Variants in ZNRF3 observed in about 807,000 individuals in gnomAD.
ZNRF3 encodes zinc and ring finger 3.
Under a neutral mutation model 72.5 loss-of-function variants are expected in ZNRF3, and 23 were observed. The ratio of observed to expected loss-of-function variants is 0.32; its 90% confidence interval spans 0.23 to 0.45. The LOEUF (loss-of-function observed/expected upper bound fraction) is 0.45. Among genes scored for constraint, ZNRF3 ranks in the 20% least tolerant of loss-of-function variants. ZNRF3 has a pLI of 1.00. For missense variants in ZNRF3, 1,169 were observed against 1,272.1 expected, an observed-to-expected ratio of 0.92 and a Z score of 1.23; for synonymous variants, 610 against 545.3, an observed-to-expected ratio of 1.12 and a Z score of -1.65.
chr22:28,896,713 G>T (rs541588953), intron 1 of ZNRF3, among the ~76,000 whole-genome samples: 3 of 152,342 alleles, frequency 2.0e-5, no homozygotes, highest in Admixed American at 1.3e-4. Context: ...CTTGGAGTAG[G>T]TGGTGAGCAG....
At chr22:29,006,386 T>C (rs1485088541) in intron 2 of ZNRF3, among the ~76,000 whole-genome samples, 1 of 152,122 alleles carries the variant, frequency 6.6e-6, no homozygotes, top group African/African-American at 2.4e-5. Flanking sequence ...GCTACTTTTG[T>C]ATTTTTAGTA....
At chr22:28,989,559 C>A (rs911180441) in intron 2 of ZNRF3, among the ~76,000 whole-genome samples, 3 of 152,206 alleles carry the variant, frequency 2.0e-5, no homozygotes, top group Admixed American at 6.5e-5. Flanking sequence ...GATTTTCCAT[C>A]CATTTCTTGG....
chr22:28,922,915 G>T (rs182087517), intron 1 of ZNRF3, among the ~76,000 whole-genome samples: 50 of 152,256 alleles, frequency 3.3e-4, no homozygotes, highest in African/African-American at 1.1e-3. Flanking sequence ...GGGCCAGCAT[G>T]AATAGTGCTC....
chr22:29,001,157 C>T (rs902943453), intron 2 of ZNRF3, among the ~76,000 whole-genome samples: 4 of 149,330 alleles, frequency 2.7e-5, no homozygotes, highest in Non-Finnish European at 5.9e-5. Context: ...CAAGCTCCGC[C>T]TCCTGGGTTC....
At chr22:28,911,432 G>A (rs180934993) in intron 1 of ZNRF3, among the ~76,000 whole-genome samples, 4 of 152,286 alleles carry the variant, frequency 2.6e-5, no homozygotes, top group South Asian at 2.1e-4. Context: ...CACAGCAGTC[G>A]GCAGGCTTAT....
chr22:29,043,899 A>G (rs1186567123), intron 4 of ZNRF3, among the ~76,000 whole-genome samples: 1 of 152,220 alleles, frequency 6.6e-6, no homozygotes, highest in Non-Finnish European at 1.5e-5. Context: ...AGTCTGGAAA[A>G]GTTAGCTTTC....
intron 1 of ZNRF3, among the ~76,000 whole-genome samples, chr22:28,980,738 T>C (rs776628053): frequency 6.6e-6 from 1 of 152,232 alleles, no homozygotes; most frequent in Non-Finnish European, 1.5e-5. Context: ...GAAGTTCTTC[T>C]GTGAATCTGC....
chr22:29,047,147 C>T (rs1180356610), intron 6 of ZNRF3, among the ~76,000 whole-genome samples: 1 of 152,078 alleles, frequency 6.6e-6, no homozygotes, highest in African/African-American at 2.4e-5. Context: ...GTCCTAGCTA[C>T]TTGGGAGGCT....
rs144160400 is a variant in ZNRF3 at position 28,964,040 on chromosome 22, G to A, written c.301-23036G>A. ...CCTACATTCTAGTGCACCTAGGGGAGTGACTGCCAGGTTGCCGGGGATGAG... is the reference window on the plus strand; with the variant it reads ...CCTACATTCTAGTGCACCTAGGGGAATGACTGCCAGGTTGCCGGGGATGAG... On this transcript the variant is annotated intron_variant, in intron 1 of 8. Transcript: ENST00000544604. Among the ~76,000 whole-genome samples the A allele has an allele frequency of 1.5e-3, 226 of 152,314 alleles. 3 individuals carry two copies. The highest frequency in any genetic ancestry group is 5.1e-3 in the African/African-American group (210 of 41,566).
At chr22:29,001,477 T>C (rs2036145521) in intron 2 of ZNRF3, among the ~76,000 whole-genome samples, 1 of 148,198 alleles carries the variant, frequency 6.7e-6, no homozygotes, top group African/African-American at 2.5e-5. Context: ...TTAAACTTTT[T>C]TTTTTTTTTT....
At chr22:28,927,285 G>T (rs950453504) in intron 1 of ZNRF3, among the ~76,000 whole-genome samples, 9 of 152,054 alleles carry the variant, frequency 5.9e-5, no homozygotes, top group African/African-American at 2.2e-4. Flanking sequence ...ACCGGGCGTG[G>T]TGGCTCACGC....
At chr22:29,003,250 C>T (rs1189101655) in intron 2 of ZNRF3, among the ~76,000 whole-genome samples, 4 of 152,176 alleles carry the variant, frequency 2.6e-5, no homozygotes, top group South Asian at 4.1e-4. Context: ...GGCGCAGTGG[C>T]TCATGTCTGT....
At chr22:28,976,301 G>C (rs1273143335) in intron 1 of ZNRF3, among the ~76,000 whole-genome samples, 1 of 152,102 alleles carries the variant, frequency 6.6e-6, no homozygotes, top group Non-Finnish European at 1.5e-5. Context: ...TGGGTTACTT[G>C]AGTTGGATCC....
Position 29,049,710 on chromosome 22 carries a change from C to T in ZNRF3, c.1529C>T (p.Pro510Leu). 1 of 1,604,570 alleles carries T rather than the reference C, an allele frequency of 6.2e-7. No individual in the cohort carries two copies. Among genetic ancestry groups the T allele is most frequent in the Non-Finnish European group, 8.5e-7 (1 of 1,177,004 alleles). ...PPSGSGSLLF[P>L]TVVHVAPPSH... is the part of the protein sequence containing the mutation. ...AGCGGCAGTGGCAGCCTGCTCTTCC[C>T]CACCGTGGTGCACGTGGCCCCGCCC... is the stretch of plus-strand genomic sequence containing the variant. Residue 510 changes from proline (P) to leucine (L), a missense_variant, in exon 8 of 9, where the codon CCC (proline) becomes CTC (leucine). This residue lies in a region of ZNRF3 where 783 missense variants were observed against 731.4 expected (regional missense o/e 1.07). Coordinates refer to ENST00000544604, the MANE Select transcript of ZNRF3 (RefSeq NM_001206998.2). This position sits in a 1 kb window ranked among gnomAD's most constrained non-coding sequence, Gnocchi z 5.2.
chr22:28,919,232 A>G (rs1343206972), intron 1 of ZNRF3, among the ~76,000 whole-genome samples: 1 of 152,236 alleles, frequency 6.6e-6, no homozygotes, highest in African/African-American at 2.4e-5. Flanking sequence ...AAATGCCTTC[A>G]TATGGATTTC....
In ZNRF3 at chr22:29,048,583, C is replaced by G. The variant is rs1249028794; in HGVS notation, c.1015+92C>G. 1.5e-6 allele frequency: 2 copies of G among 1,293,312 alleles called. No individual in the cohort carries two copies. The highest frequency in any genetic ancestry group is 1.4e-5 in the African/African-American group (1 of 68,970). 80.1% of individuals were successfully genotyped at this position (1,293,312 alleles called of 1,614,324 possible). On this transcript the variant is annotated intron_variant, in intron 7 of 8. Coordinates refer to ENST00000544604, the MANE Select transcript of ZNRF3 (RefSeq NM_001206998.2). The surrounding 1 kb of genome is among the most constrained non-coding windows in gnomAD (Gnocchi z 4.9). ...CAGGCTTGGGAACACTCAGAACCACCGTGGCACTGCCCTCTGGACTTGGAG... is the reference window on the plus strand; with the variant it reads ...CAGGCTTGGGAACACTCAGAACCACGGTGGCACTGCCCTCTGGACTTGGAG...
rs746920067 is a variant in ZNRF3 at position 29,050,113 on chromosome 22, C to T, written c.1932C>T (p.Gly644=). Reference sequence around the variant, plus strand: ...TGCACAGTCATGGTGCTGGGCGGGGCGAGCCTTGGCCGGGCCCTGCCTCTC... The same window carrying T: ...TGCACAGTCATGGTGCTGGGCGGGGTGAGCCTTGGCCGGGCCCTGCCTCTC... ...PAVHSHGAGR[G]EPWPGPASPS... Residue 644 remains glycine (G), a synonymous_variant, in exon 8 of 9, where the codon GGC becomes GGT. Transcript: ENST00000544604. 3 of 1,607,146 alleles carry T rather than the reference C, an allele frequency of 1.9e-6. No homozygotes were observed. The highest frequency in any genetic ancestry group is 2.5e-6 in the Non-Finnish European group (3 of 1,179,612).
chr22:28,892,302 G>A (rs754336179), intron 1 of ZNRF3, among the ~76,000 whole-genome samples: 10 of 152,140 alleles, frequency 6.6e-5, no homozygotes, highest in African/African-American at 9.7e-5. Flanking sequence ...GACAGCACAC[G>A]AACGGTTACC....
chr22:28,890,535 G>A (rs190422508), intron 1 of ZNRF3, among the ~76,000 whole-genome samples: 11 of 152,196 alleles, frequency 7.2e-5, no homozygotes, highest in Middle Eastern at 3.4e-3. Flanking sequence ...TGTGTGGGGT[G>A]TTTATATTCC....
Sources: gnomAD v4.1 joint callset for allele counts (sites outside exome capture counted in the v4.1 genomes callset) on GRCh38, gnomAD v4.1.1 for gene constraint, gnomAD v4.1.1 regional missense constraint, Gnocchi (gnomAD v3.1) non-coding constraint, MANE v1.5 for transcripts, NCBI Gene and HGNC (gene_info 2026-07-23, HGNC 2026-07-21) for gene names.